Variants in EYS observed in about 807,000 individuals in gnomAD.
The protein encoded by EYS is EGF-like photoreceptor maintenance factor, also known as protein eyes shut homolog.
A neutral mutation model predicts 282.1 loss-of-function variants in EYS; 250 were observed. The ratio of observed to expected loss-of-function variants is 0.89; its 90% confidence interval spans 0.80 to 0.98. The LOEUF (loss-of-function observed/expected upper bound fraction) is 0.98. Among genes scored for constraint, EYS ranks in the 50% least tolerant of loss-of-function variants. The pLI is 0.00. For missense variants in EYS, 4,016 were observed against 3,709.0 expected, an observed-to-expected ratio of 1.08 and a Z score of -2.15; for synonymous variants, 1,355 against 1,282.9, an observed-to-expected ratio of 1.06 and a Z score of -1.20.
chr6:64,111,296 T>C (rs1773195096), intron 31 of EYS, among the ~76,000 whole-genome samples: 1 of 152,006 alleles, frequency 6.6e-6, no homozygotes, highest in Admixed American at 6.6e-5. Flanking sequence ...GCAAATCTCA[T>C]AGCAAGATAT....
chr6:63,841,629 C>T (rs972722333), intron 36 of EYS, among the ~76,000 whole-genome samples: 2 of 152,114 alleles, frequency 1.3e-5, no homozygotes, highest in African/African-American at 4.8e-5. Context: ...TTATATTATA[C>T]TTTAAGTTCT....
intron 30 of EYS, among the ~76,000 whole-genome samples, chr6:64,270,350 G>T (rs575966746): frequency 1.3e-5 from 2 of 151,816 alleles, no homozygotes; most frequent in African/African-American, 4.8e-5. Flanking sequence ...ATCAGTACTA[G>T]GTAAGAAGAT....
Position 64,402,911 on chromosome 6 carries a change from C to T in EYS, c.5928-14071G>A, listed in dbSNP as rs578248485. The stretch of plus-strand genomic sequence containing the variant: ...AGGACTGCTAGAACTTCAGATCTTT[C>T]CACTGAATAGATTTTAAAATATGTT... On this transcript the variant is annotated intron_variant, in intron 28 of 42. Transcript: ENST00000503581. Among the ~76,000 whole-genome samples the T allele has an allele frequency of 3.9e-5, 6 of 152,154 alleles. No homozygotes were observed. The East Asian group carries it at 7.7e-4, about 20-fold the overall frequency.
chr6:65,543,087 C>T (rs1292362342), intron 2 of EYS, among the ~76,000 whole-genome samples: 1 of 152,162 alleles, frequency 6.6e-6, no homozygotes, highest in South Asian at 2.1e-4. Flanking sequence ...GGCGTGATCT[C>T]GGCTCACTGC....
chr6:65,258,315 C>T (rs1488277606), intron 12 of EYS, among the ~76,000 whole-genome samples: 1 of 152,002 alleles, frequency 6.6e-6, no homozygotes, highest in Admixed American at 6.6e-5. Flanking sequence ...GAGAAAGCAG[C>T]ACTTTCCATT....
intron 1 of EYS, among the ~76,000 whole-genome samples, chr6:65,644,876 G>A (rs568778379): frequency 2.0e-4 from 31 of 152,176 alleles, no homozygotes; most frequent in Admixed American, 1.6e-3. Flanking sequence ...GTGAGAATTC[G>A]CCACTACCAA....
At chr6:64,191,575 G>GGTGTTTGGCTTTTTGTT (rs1765112344) in intron 31 of EYS, among the ~76,000 whole-genome samples, 1 of 151,224 alleles carries the variant, frequency 6.6e-6, no homozygotes, top group Non-Finnish European at 1.5e-5. Context: ...GAGAATATGC[G>GGTGTTTGGCTTTTTGTT]GTGTTTGGCT....
intron 1 of EYS, among the ~76,000 whole-genome samples, chr6:65,695,803 T>C (rs1236287218): frequency 2.0e-5 from 3 of 152,036 alleles, no homozygotes; most frequent in African/African-American, 7.2e-5. Flanking sequence ...TATGAAGCTA[T>C]ATAAACATAG....
intron 22 of EYS, among the ~76,000 whole-genome samples, chr6:64,731,420 C>CAA (rs1464303747): frequency 2.0e-5 from 3 of 152,156 alleles, no homozygotes; most frequent in Non-Finnish European, 2.9e-5. Flanking sequence ...ATCCATCTGA[C>CAA]AAAGGGCTAA....
intron 22 of EYS, among the ~76,000 whole-genome samples, chr6:64,646,762 G>C (rs930689746): frequency 1.3e-5 from 2 of 150,898 alleles, no homozygotes; most frequent in Non-Finnish European, 1.5e-5. Flanking sequence ...CTGAGATTGC[G>C]CCACTGCACT....
At chr6:65,541,481 TTG>T (rs1768165690) in intron 2 of EYS, among the ~76,000 whole-genome samples, 1 of 152,202 alleles carries the variant, frequency 6.6e-6, no homozygotes, top group Non-Finnish European at 1.5e-5. Context: ...TCTGAATCTC[TTG>T]TGTTTCAAAA....
At chr6:64,474,619 T>G (rs1162501031) in intron 26 of EYS, among the ~76,000 whole-genome samples, 1 of 152,200 alleles carries the variant, frequency 6.6e-6, no homozygotes, top group Non-Finnish European at 1.5e-5. Context: ...GAATTACTAG[T>G]TCATCAGAAT....
At chr6:65,391,230 A>G (rs1212326002) in intron 7 of EYS, among the ~76,000 whole-genome samples, 1 of 152,138 alleles carries the variant, frequency 6.6e-6, no homozygotes, top group Non-Finnish European at 1.5e-5. Flanking sequence ...TGTCCCCTAT[A>G]ACAATATTGC....
chr6:64,397,019 C>T (rs1359693612), intron 28 of EYS, among the ~76,000 whole-genome samples: 2 of 152,000 alleles, frequency 1.3e-5, no homozygotes, highest in Non-Finnish European at 2.9e-5. Context: ...ACTGATACTG[C>T]CTAATGCTAA....
chr6:64,268,249 A>G lies in EYS; in HGVS notation c.6192-37425T>C, dbSNP rs192183007. Among the ~76,000 whole-genome samples the G allele has an allele frequency of 4.1e-3, 628 of 152,212 alleles. 7 individuals are homozygous for G. Among genetic ancestry groups the G allele is most frequent in the African/African-American group, 0.014 (600 of 41,552 alleles). ...CTCCAGTAATTATTGTTAAAAAAGA[A>G]CATCAAAGAACACACTGTTCATGGC... On this transcript the variant is annotated intron_variant, in intron 30 of 42. Transcript: ENST00000503581.
intron 9 of EYS, among the ~76,000 whole-genome samples, chr6:65,345,768 TAAAAC>T (rs1230131200): frequency 6.7e-6 from 1 of 149,198 alleles, no homozygotes; most frequent in Non-Finnish European, 1.5e-5. Flanking sequence ...AAAAAATAAA[TAAAAC>T]AAACGTTTTA....
At chr6:63,918,877 C>A (rs1001251662) in intron 35 of EYS, among the ~76,000 whole-genome samples, 1 of 152,186 alleles carries the variant, frequency 6.6e-6, no homozygotes, top group Non-Finnish European at 1.5e-5. Flanking sequence ...GCAAAGTACA[C>A]ATTCCTTATT....
intron 2 of EYS, among the ~76,000 whole-genome samples, chr6:65,528,625 C>A (rs1400620889): frequency 1.3e-5 from 2 of 152,180 alleles, no homozygotes; most frequent in Non-Finnish European, 2.9e-5. Flanking sequence ...ATTCCAGTGT[C>A]TTGATATTGA....
intron 2 of EYS, among the ~76,000 whole-genome samples, chr6:65,498,967 C>T (rs533436163): frequency 6.6e-6 from 1 of 152,040 alleles, no homozygotes; most frequent in Non-Finnish European, 1.5e-5. Flanking sequence ...CTTATAAATT[C>T]TTGGGCCAAG....
Sources: allele counts gnomAD v4.1 joint callset (sites outside exome capture counted in the v4.1 genomes callset), GRCh38; gene constraint gnomAD v4.1.1; transcripts MANE v1.5; gene names NCBI Gene and HGNC (gene_info 2026-07-23, HGNC 2026-07-21).